The following MCCC2 variants were observed in gnomAD, a reference collection of about 807,000 sequenced individuals.
MCCC2 encodes methylcrotonoyl-CoA carboxylase beta chain, mitochondrial.
A neutral mutation model predicts 77.2 loss-of-function variants in MCCC2; 52 were observed. That is an observed-to-expected ratio of 0.67 (90% CI 0.54 to 0.85). MCCC2 has a LOEUF of 0.85. MCCC2 is among the 40% of genes least tolerant of loss of function. The probability of loss-of-function intolerance (pLI) is 0.00; values close to 1 mark genes in which losing one functional copy is unlikely to be tolerated. For synonymous variants in MCCC2, 253 were observed against 248.4 expected, an observed-to-expected ratio of 1.02 and a Z score of -0.18; for missense variants, 682 against 703.2, an observed-to-expected ratio of 0.97 and a Z score of 0.34.
chr5:71,646,623 C>G (rs1229149184), intron 13 of MCCC2, among the ~76,000 whole-genome samples: 1 of 152,192 alleles, frequency 6.6e-6, no homozygotes, highest in Non-Finnish European at 1.5e-5. Context: ...GCCTTGTTCT[C>G]CCAAAGTGCT....
intron 12 of MCCC2, among the ~76,000 whole-genome samples, chr5:71,645,005 G>T (rs986744660): frequency 6.6e-6 from 1 of 151,786 alleles, no homozygotes; most frequent in Non-Finnish European, 1.5e-5. Flanking sequence ...ATATAGAGAG[G>T]TTTTGCATGT....
At chr5:71,632,312 A>G in intron 8 of MCCC2, 127 bp downstream of exon 8, 1 of 861,264 alleles carries the variant, frequency 1.2e-6, no homozygotes, top group Non-Finnish European at 1.9e-6. Flanking sequence ...TTTGTTCTTG[A>G]TCTGCTGGTT....
chr5:71,587,578 T>C (rs1253483840), intron 1 of MCCC2, 24 bp downstream of exon 1: 6 of 1,530,410 alleles, frequency 3.9e-6, no homozygotes, highest in South Asian at 3.6e-5. Flanking sequence ...CCCGGTGGCC[T>C]GGCCGCCGGT....
At chr5:71,636,224 T>C in intron 10 of MCCC2, 1 of 250,414 alleles carries the variant, frequency 4.0e-6, no homozygotes, top group Admixed American at 4.1e-5. Flanking sequence ...TTCTGTTGTA[T>C]GGATTTATTT....
At chr5:71,590,985 A>G (rs1302722721) in intron 1 of MCCC2, among the ~76,000 whole-genome samples, 5 of 152,190 alleles carry the variant, frequency 3.3e-5, no homozygotes, top group Admixed American at 6.5e-5. Context: ...ATATTGTGTT[A>G]GCTCCAACTG....
At chr5:71,628,268 G>A (rs1478817095) in intron 7 of MCCC2, among the ~76,000 whole-genome samples, 2 of 152,154 alleles carry the variant, frequency 1.3e-5, no homozygotes, top group African/African-American at 4.8e-5. Flanking sequence ...AATTCTATAT[G>A]TGTTCTGAAT....
chr5:71,605,909 G>C (rs1745652409), intron 6 of MCCC2, among the ~76,000 whole-genome samples: 1 of 152,058 alleles, frequency 6.6e-6, no homozygotes, highest in African/African-American at 2.4e-5. Context: ...ATTTCTGAGG[G>C]CTCTGTTCTG....
At chr5:71,631,469 CAA>C (rs1746708982) in intron 7 of MCCC2, among the ~76,000 whole-genome samples, 1 of 151,012 alleles carries the variant, frequency 6.6e-6, no homozygotes, top group East Asian at 2.0e-4. Flanking sequence ...CACACAGACA[CAA>C]AGTCTTGACC....
intron 2 of MCCC2, 68 bp from the exon 3 acceptor site, chr5:71,596,211 AT>A: frequency 7.8e-7 from 1 of 1,286,012 alleles, no homozygotes; most frequent in South Asian, 1.2e-5. Context: ...ATTAAGTATT[AT>A]GTTTTTCTGG....
intron 10 of MCCC2, among the ~76,000 whole-genome samples, chr5:71,637,467 A>T (rs1430425012): frequency 6.6e-6 from 1 of 152,230 alleles, no homozygotes; most frequent in Non-Finnish European, 1.5e-5. Flanking sequence ...ACATTAATTT[A>T]AAAATACCTT....
Position 71,650,142 on chromosome 5 carries a change from G to A in MCCC2, c.1447G>A (p.Ala483Thr). ...MGGEQAANVL[A>T]TITKDQRARE... Reference sequence around the variant, plus strand: ...AGGAGAGCAGGCAGCCAATGTGTTGGCCACGATAACAAAGGACCAAAGAGC... The same window carrying A: ...AGGAGAGCAGGCAGCCAATGTGTTGACCACGATAACAAAGGACCAAAGAGC... The change falls in exon 15 of 17, where the codon GCC (alanine) becomes ACC (threonine). Residue 483 changes from alanine to threonine, a missense_variant. Transcript: ENST00000340941. 6.2e-7 allele frequency: 1 copy of A among 1,614,106 alleles called. No individual in the cohort carries two copies.
intron 1 of MCCC2, among the ~76,000 whole-genome samples, chr5:71,589,405 T>A (rs1009390952): frequency 1.3e-5 from 2 of 152,278 alleles, no homozygotes; most frequent in Non-Finnish European, 2.9e-5. Flanking sequence ...TAGCTGCTGC[T>A]GTGACTGTTC....
intron 3 of MCCC2, among the ~76,000 whole-genome samples, chr5:71,596,764 A>C (rs1432754613): frequency 1.3e-5 from 2 of 151,794 alleles, no homozygotes; most frequent in African/African-American, 4.8e-5. Context: ...CATGGTGAAA[A>C]CCCGTCTCTA....
intron 2 of MCCC2, among the ~76,000 whole-genome samples, chr5:71,595,677 C>T (rs1283761609): frequency 6.6e-6 from 1 of 152,158 alleles, no homozygotes; most frequent in Non-Finnish European, 1.5e-5. Context: ...CCCAAGAATA[C>T]TCCAGTGGGC....
At chr5:71,646,956 G>T (rs979218055) in intron 13 of MCCC2, among the ~76,000 whole-genome samples, 14 of 152,158 alleles carry the variant, frequency 9.2e-5, no homozygotes, top group African/African-American at 3.1e-4. Flanking sequence ...GGGGATTTGA[G>T]TTTTGGCCCC....
rs978623277 is a variant in MCCC2, at chr5:71,626,678, C to A, written c.663C>A (p.Ala221=). 6.2e-7 allele frequency: 1 copy of A among 1,614,100 alleles called. No homozygotes were observed. The highest frequency in any genetic ancestry group is 1.1e-5 in the South Asian group (1 of 91,082). ...TGGGCTCCTGCACCGCAGGAGGAGC[C>A]TATGTGCCTGCCATGGCTGATGAAA... ...VVMGSCTAGG[A]YVPAMADENI... is the part of the protein sequence containing the mutation. The change falls in exon 7 of 17, where the codon GCC becomes GCA. Residue 221 remains alanine (A), a synonymous_variant. Coordinates refer to ENST00000340941, the MANE Select transcript of MCCC2 (RefSeq NM_022132.5).
chr5:71,611,945 T>C (rs576837003), intron 6 of MCCC2, among the ~76,000 whole-genome samples: 155 of 151,954 alleles, frequency 1.0e-3, no homozygotes, highest in African/African-American at 2.8e-3. Flanking sequence ...CCCACCACCA[T>C]GCCCGGCTAA....
rs552126866 is a variant in MCCC2 at position 71,628,468 on chromosome 5, A to G, written c.738+1715A>G. 2.8e-4 allele frequency among the ~76,000 whole-genome samples: 42 copies of G among 152,300 alleles called. 1 individual carries two copies. The highest frequency in any genetic ancestry group is 1.0e-3 in the South Asian group (5 of 4,822). On this transcript the variant is annotated intron_variant, in intron 7 of 16. Transcript: ENST00000340941. ...AGAAGCCTTTGCCTAACCCAAGGTC[A>G]TGAAGATTTACTCCTCTGTTTTCTT...
At position 71,636,313 on chromosome 5, in the gene MCCC2, C is replaced by T. The variant is rs559419463; in HGVS notation, c.999+1067C>T. 6 of 159,680 alleles carry T rather than the reference C, an allele frequency of 3.8e-5. No homozygotes were observed. The South Asian group carries it at 6.7e-4, about 18-fold the overall frequency. 9.9% of individuals were successfully genotyped at this position (159,680 alleles called of 1,614,324 possible). ...TCAAGTGATACTTCACTTTAGCAAA[C>T]GTGACTTAGTTAATTGTAAATTTTT... On this transcript the variant is annotated intron_variant, in intron 10 of 16. Transcript: ENST00000340941.
Sources: gnomAD v4.1 joint callset for allele counts (sites outside exome capture counted in the v4.1 genomes callset) on GRCh38, gnomAD v4.1.1 for gene constraint, MANE v1.5 for transcripts, NCBI Gene and HGNC (gene_info 2026-07-23, HGNC 2026-07-21) for gene names.